The following TNMD variants were observed in gnomAD, a reference collection of about 807,000 sequenced individuals.
TNMD encodes the protein BRICHOS domain containing 4.
TNMD carries 15 observed loss-of-function variants against 26.9 expected under a neutral mutation model. The observed-to-expected ratio is 0.56, with a 90% CI of 0.37 to 0.86. The LOEUF is 0.86. Ranked by LOEUF, TNMD falls within the 40% of genes least tolerant of loss-of-function variation. The pLI, the probability that TNMD is intolerant of heterozygous loss-of-function variation, is 0.00. For missense variants in TNMD, 222 were observed against 242.6 expected (o/e 0.92, Z 0.56); for synonymous variants, 73 against 77.0 (o/e 0.95, Z 0.27).
chrX:100,585,534 T>G, intron 2 of TNMD, among the ~76,000 whole-genome samples, 172 bp downstream of exon 2: 1 of 85,428 alleles, frequency 1.2e-5, no homozygotes, highest in Middle Eastern at 5.1e-3. Flanking sequence ...TGCCTAATTA[T>G]TTTGGTAAGG....
At chrX:100,598,891 T>C in intron 5 of TNMD, 125 bp from the exon 6 acceptor site, 1 of 513,548 alleles carries the variant, frequency 1.9e-6, no homozygotes, top group Non-Finnish European at 3.0e-6. Flanking sequence ...AAGTGGTCCA[T>C]GCCTAAATGA....
intron 2 of TNMD, among the ~76,000 whole-genome samples, chrX:100,588,944 G>A (rs2082929561): frequency 9.0e-6 from 1 of 111,231 alleles, no homozygotes. Flanking sequence ...CCAGAGCAAT[G>A]AGGAGTGGTA....
rs771586010 is a variant in TNMD, at chrX:100,599,117, G to C, written c.679G>C (p.Val227Leu). 2 of 1,207,616 alleles carry C rather than the reference G, an allele frequency of 1.7e-6. No homozygotes were observed. The highest frequency in any genetic ancestry group is 2.2e-6 in the Non-Finnish European group (2 of 893,330). The part of the protein sequence containing the change: ...EQNEQWVVPQ[V>L]KVEKTRHARQ... Reference sequence around the variant, plus strand: ...AAATGAACAGTGGGTGGTCCCTCAAGTGAAAGTAGAGAAGACCCGTCACGC... The same window carrying C: ...AAATGAACAGTGGGTGGTCCCTCAACTGAAAGTAGAGAAGACCCGTCACGC... The change falls in exon 6 of 7, where the codon GTG becomes CTG. Residue 227 changes from valine to leucine, a missense_variant. Transcript: ENST00000373031.
chrX:100,596,970 T>G (rs2082954915), intron 4 of TNMD, among the ~76,000 whole-genome samples: 1 of 112,070 alleles, frequency 8.9e-6, no homozygotes, highest in African/African-American at 3.2e-5. Context: ...GGAAATCTTT[T>G]GTACTATAAC....
chrX:100,593,933 G>T lies in TNMD; in HGVS notation c.219G>T (p.Glu73Asp). ...AGCACACTTTCTACAGCAATGGAGAGAAGAAGAAGATTTACATGGAAATTG... is the reference window on the plus strand; with the variant it reads ...AGCACACTTTCTACAGCAATGGAGATAAGAAGAAGATTTACATGGAAATTG... ...DMEHTFYSNG[E>D]KKKIYMEIDP... The change falls in exon 3 of 7, where the codon GAG becomes GAT. Residue 73 changes from glutamate to aspartate, a missense_variant. By Grantham distance (45) the Glu-to-Asp change is conservative. Coordinates refer to ENST00000373031, the MANE Select transcript of TNMD (RefSeq NM_022144.3). 8.3e-7 allele frequency: 1 copy of T among 1,209,935 alleles called. No homozygotes were observed. The highest frequency in any genetic ancestry group is 1.1e-6 in the Non-Finnish European group (1 of 894,296).
intron 1 of TNMD, 71 bp from the exon 2 acceptor site, chrX:100,585,160 G>T (rs776013474): frequency 8.5e-7 from 1 of 1,173,540 alleles, no homozygotes; most frequent in Non-Finnish European, 1.2e-6. Flanking sequence ...GGAATCAAAG[G>T]TGACTTTGAA....
chrX:100,584,976 A>G lies in TNMD; in HGVS notation c.-43A>G, dbSNP rs376008251. 1.5e-4 allele frequency: 178 copies of G among 1,174,890 alleles called. No individual in the cohort carries two copies. The highest frequency in any genetic ancestry group is 2.4e-4 in the Middle Eastern group (1 of 4,241). The stretch of plus-strand genomic sequence containing the variant: ...AACTCCACCTCAGCAGTGGTCTCTC[A>G]GTCCTCTCAAAGCAAGGAAAGAGTA... On this transcript the variant is annotated 5_prime_UTR_variant, in exon 1 of 7. Coordinates refer to ENST00000373031, the MANE Select transcript of TNMD (RefSeq NM_022144.3).
intron 2 of TNMD, among the ~76,000 whole-genome samples, chrX:100,591,900 A>G (rs1362089995): frequency 1.8e-5 from 2 of 111,900 alleles, no homozygotes; most frequent in Non-Finnish European, 3.8e-5. Context: ...CATTGCCAAC[A>G]GTGCAGGAAA....
chrX:100,589,819 C>G (rs774285451), intron 2 of TNMD, among the ~76,000 whole-genome samples: 2 of 111,446 alleles, frequency 1.8e-5, no homozygotes, highest in African/African-American at 6.5e-5. Flanking sequence ...CCTAGAGACA[C>G]TCAGTGATTT....
intron 2 of TNMD, among the ~76,000 whole-genome samples, chrX:100,586,911 C>A (rs762487162): frequency 8.9e-6 from 1 of 111,789 alleles, no homozygotes; most frequent in East Asian, 2.8e-4. Flanking sequence ...GATATGTCAC[C>A]CCACAAGTTG....
chrX:100,592,427 T>C lies in TNMD; in HGVS notation c.181-1468T>C, dbSNP rs2082940443. 2.7e-5 allele frequency among the ~76,000 whole-genome samples: 3 copies of C among 112,558 alleles called. No individual in the cohort carries two copies. In the South Asian group the frequency reaches 1.1e-3, roughly 42 times the overall value. On this transcript the variant is annotated intron_variant, in intron 2 of 6. Transcript: ENST00000373031. Reference sequence around the variant, plus strand: ...GCCAGAGAGTTCTAAGTATTGTTTTTCTTTCACTTTTAAAATGGTTTTTTT... The same window carrying C: ...GCCAGAGAGTTCTAAGTATTGTTTTCCTTTCACTTTTAAAATGGTTTTTTT...
chrX:100,593,216 T>C (rs1185430729), intron 2 of TNMD: 2 of 330,785 alleles, frequency 6.0e-6, no homozygotes, highest in African/African-American at 5.7e-5. Flanking sequence ...GCAGGACACT[T>C]GGCTCAGTTG....
intron 4 of TNMD, among the ~76,000 whole-genome samples, chrX:100,597,100 C>T (rs2082955256): frequency 8.9e-6 from 1 of 112,125 alleles, no homozygotes; most frequent in African/African-American, 3.2e-5. Flanking sequence ...TCCTGCTTGC[C>T]ACCCAAGATG....
At chrX:100,590,708 A>C (rs1366950639) in intron 2 of TNMD, among the ~76,000 whole-genome samples, 1 of 111,093 alleles carries the variant, frequency 9.0e-6, no homozygotes, top group Non-Finnish European at 1.9e-5. Context: ...GTTCCATTCC[A>C]GTGTTCTGGT....
At chrX:100,598,479 G>C (rs1189646584) in intron 5 of TNMD, among the ~76,000 whole-genome samples, 1 of 112,052 alleles carries the variant, frequency 8.9e-6, no homozygotes, top group African/African-American at 3.2e-5. Flanking sequence ...TCTAACTTCT[G>C]ATTTTTGATC....
intron 5 of TNMD, among the ~76,000 whole-genome samples, chrX:100,598,072 C>T (rs2147610495): frequency 8.9e-6 from 1 of 111,942 alleles, no homozygotes; most frequent in African/African-American, 3.2e-5. Flanking sequence ...TGGCATTTTC[C>T]TTAGAAGATA....
chrX:100,587,025 T>G (rs2082923874), intron 2 of TNMD, among the ~76,000 whole-genome samples: 1 of 112,532 alleles, frequency 8.9e-6, no homozygotes, highest in African/African-American at 3.2e-5. Context: ...TAGCTAGTCC[T>G]TTTGACCACC....
At position 100,597,854 on chromosome X, in the gene TNMD, A is replaced by G; in HGVS notation, c.577+197A>G. 4 of 445,249 alleles carry G rather than the reference A, an allele frequency of 9.0e-6. No individual in the cohort carries two copies. In the South Asian group the frequency reaches 1.4e-4, roughly 16 times the overall value. The allele number at this position is 445,249 out of a possible 1,213,427, so 36.7% of individuals were successfully genotyped here. On this transcript the variant is annotated intron_variant, in intron 5 of 6. Transcript: ENST00000373031. ...ATAAATCAGATAAATTAATGTTGACAGGCTTTTAAATATCCCAGCAAAGGT... is the reference window on the plus strand; with the variant it reads ...ATAAATCAGATAAATTAATGTTGACGGGCTTTTAAATATCCCAGCAAAGGT...
intron 2 of TNMD, 37 bp from the exon 3 acceptor site, chrX:100,593,857 CT>C (rs2082945037): frequency 8.4e-7 from 1 of 1,196,178 alleles, no homozygotes; most frequent in Admixed American, 2.2e-5. Flanking sequence ...TAGGGACACA[CT>C]GAGTATCTTA....
Sources: gnomAD v4.1 joint callset for allele counts (sites outside exome capture counted in the v4.1 genomes callset) on GRCh38, gnomAD v4.1.1 for gene constraint, MANE v1.5 for transcripts, NCBI Gene and HGNC (gene_info 2026-07-23, HGNC 2026-07-21) for gene names.